KLRF1: variants seen among roughly 807,000 people sequenced by gnomAD.
KLRF1 encodes killer cell lectin-like receptor subfamily F member 1.
Under a neutral mutation model 30.7 loss-of-function variants are expected in KLRF1, and 27 were observed. The observed-to-expected ratio is 0.88, with a 90% CI of 0.65 to 1.21. KLRF1 has a LOEUF of 1.21. Ranked by LOEUF, KLRF1 falls within the 50% of genes most tolerant of loss-of-function variation. The probability of loss-of-function intolerance (pLI) is 0.00; values close to 1 mark genes in which losing one functional copy is unlikely to be tolerated. For missense variants in KLRF1, 246 were observed against 259.3 expected (o/e 0.95, Z 0.35); for synonymous variants, 92 against 89.3 (o/e 1.03, Z -0.17).
At chr12:9,834,851 T>C (rs1027934286) in intron 3 of KLRF1, among the ~76,000 whole-genome samples, 10 of 152,084 alleles carry the variant, frequency 6.6e-5, no homozygotes, top group African/African-American at 2.4e-4. Context: ...TTTAAGAATA[T>C]ACAGAGTCCT....
chr12:9,811,319 C>CAAAAAAAAA, the KLRF1 span, among the ~76,000 whole-genome samples: 1,255 of 61,326 alleles, frequency 0.02, 59 homozygotes, highest in African/African-American at 0.064. Flanking sequence ...AGAAGTAGTC[C>CAAAAAAAAA]AAAAAAAAAA....
upstream of KLRF1, among the ~76,000 whole-genome samples, chr12:9,824,456 G>A (rs909674691): frequency 4.6e-5 from 7 of 152,038 alleles, no homozygotes; most frequent in Non-Finnish European, 8.8e-5. Context: ...ACTATGTATT[G>A]CAGAAACATC....
upstream of KLRF1, among the ~76,000 whole-genome samples, chr12:9,825,004 G>A (rs1187836975): frequency 6.6e-6 from 1 of 152,090 alleles, no homozygotes; most frequent in Admixed American, 6.6e-5. Context: ...CCATGCTCAT[G>A]GATCAGAATA....
At chr12:9,805,064 GTTTTC>G in the KLRF1 span, among the ~76,000 whole-genome samples, 5 of 151,826 alleles carry the variant, frequency 3.3e-5, no homozygotes, top group Admixed American at 6.6e-5. Context: ...AGAGCCTGTA[GTTTTC>G]TTTTCTTGTA....
At chr12:9,822,335 T>TA in the KLRF1 span, among the ~76,000 whole-genome samples, 1 of 152,180 alleles carries the variant, frequency 6.6e-6, no homozygotes, top group Admixed American at 6.5e-5. Flanking sequence ...ACTGATCTGC[T>TA]AGAGCTGGAA....
At chr12:9,816,802 C>T in the KLRF1 span, among the ~76,000 whole-genome samples, 893 of 149,584 alleles carry the variant, frequency 6.0e-3, 8 homozygotes, top group African/African-American at 0.021. Flanking sequence ...GGCGCGATCT[C>T]GGCTCACTGC....
chr12:9,814,622 G>A, the KLRF1 span, among the ~76,000 whole-genome samples: 2,166 of 152,204 alleles, frequency 0.014, 52 homozygotes, highest in African/African-American at 0.049. Flanking sequence ...CACAGCCTGT[G>A]TGCACCATCA....
At chr12:9,835,101 A>G (rs909010682) in intron 3 of KLRF1, among the ~76,000 whole-genome samples, 1 of 152,074 alleles carries the variant, frequency 6.6e-6, no homozygotes, top group Non-Finnish European at 1.5e-5. Context: ...TTAGTGGAAT[A>G]ACTCTTTTTT....
intron 3 of KLRF1, among the ~76,000 whole-genome samples, chr12:9,835,008 C>T (rs1488007643): frequency 6.6e-6 from 1 of 151,894 alleles, no homozygotes; most frequent in Non-Finnish European, 1.5e-5. Context: ...TATGGAAGGT[C>T]GTGACAGAGG....
chr12:9,830,944 T>A lies in KLRF1; in HGVS notation c.86-1372T>A, dbSNP rs188985115. Among the ~76,000 whole-genome samples the A allele has an allele frequency of 9.2e-3, 1,404 of 151,930 alleles. 24 individuals are homozygous for A. The highest frequency in any genetic ancestry group is 0.032 in the African/African-American group (1,320 of 41,544). ...ACTTTCTCCATTATTCAGCATCTTT[T>A]AAAATTTTTTTTTACTTTTATTTTT... On this transcript the variant is annotated intron_variant, in intron 1 of 5. Coordinates refer to ENST00000617889, the MANE Select transcript of KLRF1 (RefSeq NM_016523.3).
chr12:9,811,865 A>G, the KLRF1 span, among the ~76,000 whole-genome samples: 1 of 152,204 alleles, frequency 6.6e-6, no homozygotes, highest in Admixed American at 6.5e-5. Flanking sequence ...TCATGAAGGA[A>G]GTCAAGCACT....
At chr12:9,828,515 T>C (rs1464955802) in intron 1 of KLRF1, among the ~76,000 whole-genome samples, 2 of 152,206 alleles carry the variant, frequency 1.3e-5, no homozygotes, top group East Asian at 3.8e-4. Context: ...ACAATGCAAT[T>C]CCATCATGCC....
At chr12:9,802,675 G>A in the KLRF1 span, among the ~76,000 whole-genome samples, 1 of 151,824 alleles carries the variant, frequency 6.6e-6, no homozygotes, top group African/African-American at 2.4e-5. Context: ...TAACAGACAA[G>A]CAGAGAACAA....
chr12:9,838,459 A>G (rs980538189), intron 3 of KLRF1, among the ~76,000 whole-genome samples: 16 of 152,084 alleles, frequency 1.1e-4, no homozygotes, highest in Admixed American at 6.6e-4. Flanking sequence ...TTGTCCCCCA[A>G]GACTATTCCT....
At chr12:9,824,940 T>A (rs1338846467), upstream of KLRF1, among the ~76,000 whole-genome samples, 1 of 151,950 alleles carries the variant, frequency 6.6e-6, no homozygotes, top group Non-Finnish European at 1.5e-5. Context: ...ACAAGGATAA[T>A]TACAAAACAT....
chr12:9,823,346 T>G (rs1867248130), upstream of KLRF1, among the ~76,000 whole-genome samples: 1 of 151,558 alleles, frequency 6.6e-6, no homozygotes. Context: ...CTCAAAACCA[T>G]GCAATTACAT....
the KLRF1 span, among the ~76,000 whole-genome samples, chr12:9,805,910 C>T: frequency 3.3e-5 from 5 of 151,608 alleles, no homozygotes; most frequent in East Asian, 3.9e-4. Flanking sequence ...TGGTATTTTC[C>T]GTATTTTCTT....
intron 1 of KLRF1, among the ~76,000 whole-genome samples, chr12:9,829,714 G>C (rs923246452): frequency 6.6e-6 from 1 of 152,210 alleles, no homozygotes; most frequent in South Asian, 2.1e-4. Context: ...AGCTCTAATG[G>C]TGCCACTGCA....
At chr12:9,839,478 A>G (rs565691197) in intron 3 of KLRF1, among the ~76,000 whole-genome samples, 37 of 152,238 alleles carry the variant, frequency 2.4e-4, no homozygotes, top group South Asian at 6.2e-4. Flanking sequence ...AGAGAAAGAT[A>G]TCAGATAGGA....
Sources: allele counts gnomAD v4.1 joint callset (sites outside exome capture counted in the v4.1 genomes callset), GRCh38; gene constraint gnomAD v4.1.1; transcripts MANE v1.5; gene names NCBI Gene and HGNC (gene_info 2026-07-23, HGNC 2026-07-21).